ST7L: variants seen among roughly 807,000 people sequenced by gnomAD.
ST7L encodes suppression of tumorigenicity 7 like, also known as suppressor of tumorigenicity 7 protein-like.
In ST7L, 57 loss-of-function variants were observed where a neutral mutation model predicts 72.5. The observed-to-expected ratio is 0.79, with a 90% CI of 0.64 to 0.98. ST7L has a LOEUF of 0.98. Ranked by LOEUF, ST7L falls within the 50% of genes least tolerant of loss-of-function variation. ST7L has a pLI of 0.00. For synonymous variants in ST7L, 221 were observed against 240.9 expected, an observed-to-expected ratio of 0.92 and a Z score of 0.77; for missense variants, 576 against 672.2, an observed-to-expected ratio of 0.86 and a Z score of 1.58.
chr1:112,591,709 T>A, intron 5 of ST7L, 106 bp from the exon 6 acceptor site: 1 of 687,274 alleles, frequency 1.5e-6, no homozygotes, highest in Non-Finnish European at 2.3e-6. Context: ...AATATATTCT[T>A]AAACATACAA....
chr1:112,619,308 G>A, upstream of ST7L: 1 of 615,144 alleles, frequency 1.6e-6, no homozygotes, highest in Non-Finnish European at 2.9e-6. Context: ...GTGGGGCAGG[G>A]AAGGGGCGGA....
Position 112,560,918 on chromosome 1 carries a change from G to A in ST7L, c.1246-4900C>T, listed in dbSNP as rs368033730. Among the ~76,000 whole-genome samples the A allele has an allele frequency of 4.6e-5, 7 of 151,112 alleles. No individual in the cohort carries two copies. In the East Asian group the frequency reaches 7.8e-4, roughly 17 times the overall value. On this transcript the variant is annotated intron_variant, in intron 11 of 14. Transcript: ENST00000358039. ...GCAGGGGTTGCAGTAAGCCGAGATCGTGCCATTGCACTCCAGCCTGGGCGA... is the reference window on the plus strand; with the variant it reads ...GCAGGGGTTGCAGTAAGCCGAGATCATGCCATTGCACTCCAGCCTGGGCGA...
intron 3 of ST7L, among the ~76,000 whole-genome samples, chr1:112,608,437 C>T (rs1441680651): frequency 1.3e-5 from 2 of 151,986 alleles, no homozygotes; most frequent in Non-Finnish European, 2.9e-5. Context: ...ATATAAGACA[C>T]CATGTATCTT....
Position 112,598,014 on chromosome 1 carries a change from G to T in ST7L, c.579C>A (p.Thr193=). The change falls in exon 5 of 15, where the codon ACC becomes ACA. Residue 193 remains threonine (T), a synonymous_variant. Transcript: ENST00000358039. Reference sequence around the variant, plus strand: ...AAAAATCTGTGTCACAGGTGAAAAAGGTCTGATGGTCCTGAGCTGACAGGT... The same window carrying T: ...AAAAATCTGTGTCACAGGTGAAAAATGTCTGATGGTCCTGAGCTGACAGGT... The part of the protein sequence containing the change: ...DMNLSAQDHQ[T]FFTCDTDFLR... 6.2e-7 allele frequency: 1 copy of T among 1,613,510 alleles called. No homozygotes were observed. Among genetic ancestry groups the T allele is most frequent in the South Asian group, 1.1e-5 (1 of 91,038 alleles).
At chr1:112,581,921 A>T (rs1282931309) in intron 9 of ST7L, 71 bp downstream of exon 9, 1 of 1,077,164 alleles carries the variant, frequency 9.3e-7, no homozygotes, top group Non-Finnish European at 1.4e-6. Context: ...AAATACTAGA[A>T]TATAACCACA....
intron 1 of ST7L, 80 bp downstream of exon 1, chr1:112,618,829 A>AGAATCTCTTGCCCTT (rs1553176999): frequency 3.3e-6 from 5 of 1,516,450 alleles, no homozygotes; most frequent in African/African-American, 1.4e-5. Flanking sequence ...AGGACTACCG[A>AGAATCTCTTGCCCTT]GAATCTCTTG....
rs1450569855 is a variant in ST7L at position 112,599,131 on chromosome 1, C to T, written c.507-1045G>A. Reference sequence around the variant, plus strand: ...ATATATGTGGATGTGTGTGTATACACACACACACACACACACACACACACA... The same window carrying T: ...ATATATGTGGATGTGTGTGTATACATACACACACACACACACACACACACA... On this transcript the variant is annotated intron_variant, in intron 4 of 14. Transcript: ENST00000358039. 6.2e-3 allele frequency among the ~76,000 whole-genome samples: 208 copies of T among 33,794 alleles called. 5 individuals are homozygous for T. The highest frequency in any genetic ancestry group is 0.014 in the African/African-American group (195 of 13,778). 22.2% of individuals were successfully genotyped at this position (33,794 alleles called of 152,430 possible).
intron 11 of ST7L, among the ~76,000 whole-genome samples, chr1:112,569,740 C>T (rs933850110): frequency 7.9e-5 from 12 of 152,056 alleles, no homozygotes; most frequent in African/African-American, 2.2e-4. Flanking sequence ...GGGTGGATCA[C>T]GAGGTCAGGA....
At chr1:112,534,391 T>C (rs536499360) in intron 14 of ST7L, among the ~76,000 whole-genome samples, 1 of 152,338 alleles carries the variant, frequency 6.6e-6, no homozygotes, top group South Asian at 2.1e-4. Context: ...CTTTGATGAC[T>C]CAAACTTTAC....
chr1:112,590,666 T>C (rs938559037), intron 6 of ST7L, among the ~76,000 whole-genome samples: 2 of 152,218 alleles, frequency 1.3e-5, no homozygotes, highest in African/African-American at 2.4e-5. Flanking sequence ...TATTTATTGA[T>C]CTGTTCCTTG....
intron 5 of ST7L, among the ~76,000 whole-genome samples, chr1:112,597,256 A>C (rs1233988398): frequency 6.6e-6 from 1 of 152,218 alleles, no homozygotes; most frequent in Non-Finnish European, 1.5e-5. Context: ...ATAATGAAGG[A>C]TAAAAAGTAA....
At chr1:112,602,288 A>C (rs1253492080) in intron 3 of ST7L, among the ~76,000 whole-genome samples, 4 of 152,204 alleles carry the variant, frequency 2.6e-5, no homozygotes, top group Non-Finnish European at 5.9e-5. Flanking sequence ...CAATTCTTCA[A>C]AATAAATTCT....
At chr1:112,544,454 G>C (rs6659677) in intron 13 of ST7L, among the ~76,000 whole-genome samples, 32,782 of 152,150 alleles carry the variant, frequency 0.22, 3,745 homozygotes, top group Middle Eastern at 0.26. Flanking sequence ...AGTTTTAAAA[G>C]TTAGAAACAT....
intron 3 of ST7L, chr1:112,610,613 T>C (rs1668928279): frequency 1.6e-5 from 7 of 441,626 alleles, no homozygotes; most frequent in Non-Finnish European, 2.7e-5. Flanking sequence ...GGCAAGCAGC[T>C]CTCTGGGGTC....
At chr1:112,549,202 G>C (rs1657679770) in intron 13 of ST7L, among the ~76,000 whole-genome samples, 1 of 152,066 alleles carries the variant, frequency 6.6e-6, no homozygotes, top group Admixed American at 6.5e-5. Flanking sequence ...CAACCAGCCT[G>C]GGCAACATGG....
At chr1:112,541,626 T>C (rs1286657204) in intron 14 of ST7L, among the ~76,000 whole-genome samples, 2 of 152,224 alleles carry the variant, frequency 1.3e-5, no homozygotes, top group Non-Finnish European at 1.5e-5. Context: ...TCAAAGGGTT[T>C]GTTTACAAAA....
At chr1:112,570,542 G>GATTTATATATATATAT (rs1322483754) in intron 11 of ST7L, among the ~76,000 whole-genome samples, 1 of 71,098 alleles carries the variant, frequency 1.4e-5, no homozygotes. Context: ...GAGAATAAAA[G>GATTTATATATATATAT]ATGTATATAT....
intron 12 of ST7L, 114 bp from the exon 13 acceptor site, chr1:112,550,807 T>A: frequency 1.4e-6 from 1 of 736,218 alleles, no homozygotes; most frequent in East Asian, 2.8e-5. Context: ...TAGTGAGACA[T>A]TTAGATACGA....
chr1:112,538,316 T>C (rs1231209303), intron 14 of ST7L, among the ~76,000 whole-genome samples: 2 of 152,208 alleles, frequency 1.3e-5, no homozygotes, highest in African/African-American at 4.8e-5. Context: ...TCTACATTCA[T>C]ATACACATAA....
Sources: gnomAD v4.1 joint callset for allele counts (sites outside exome capture counted in the v4.1 genomes callset) on GRCh38, gnomAD v4.1.1 for gene constraint, MANE v1.5 for transcripts, NCBI Gene and HGNC (gene_info 2026-07-23, HGNC 2026-07-21) for gene names.